PBK: variants seen among roughly 807,000 people sequenced by gnomAD.
The protein encoded by PBK is PDZ binding kinase.
In PBK, 22 loss-of-function variants were observed where a neutral mutation model predicts 33.5. The ratio of observed to expected loss-of-function variants is 0.66; its 90% CI spans 0.47 to 0.94. The LOEUF is 0.94. PBK is among the 40% of genes least tolerant of loss of function. The probability of loss-of-function intolerance (pLI) is 0.00; values close to 1 mark genes in which losing one functional copy is unlikely to be tolerated. For missense variants in PBK, 376 were observed against 383.4 expected, an observed-to-expected ratio of 0.98 and a Z score of 0.16; for synonymous variants, 129 against 123.8, an observed-to-expected ratio of 1.04 and a Z score of -0.28.
Position 27,823,150 on chromosome 8 carries a change from A to G in PBK, c.208T>C (p.Cys70Arg), listed in dbSNP as rs367624592. 4.3e-5 allele frequency: 67 copies of G among 1,552,960 alleles called. 1 individual carries two copies. In the East Asian group the frequency reaches 5.6e-4, roughly 13 times the overall value. ...TACACACTTCGATAATGATCATTAC[A>G]TATAGGATTAATCTTTTTTACAGCC... The part of the protein sequence containing the change: ...PWAVKKINPI[C>R]NDHYRSVYQK... Residue 70 changes from cysteine (C) to arginine (R), a missense_variant, in exon 4 of 8, where the codon TGT becomes CGT. Coordinates refer to ENST00000301905, the MANE Select transcript of PBK (RefSeq NM_018492.4).
At position 27,810,173 on chromosome 8, in the gene PBK, T is replaced by G; in HGVS notation, c.*132A>C. 1 of 647,176 alleles carries G rather than the reference T, an allele frequency of 1.5e-6. No individual in the cohort carries two copies. Among genetic ancestry groups the G allele is most frequent in the Non-Finnish European group, 2.7e-6 (1 of 365,974 alleles). The allele number at this position is 647,176 out of a possible 1,614,324, so 40.1% of individuals were successfully genotyped here. On this transcript the variant is annotated 3_prime_UTR_variant, in exon 8 of 8. Transcript: ENST00000301905. ...GCATATTTCATATTAGAAATAGTTA[T>G]CCATATGTTAACAAGAAACTATGGT...
At chr8:27,810,650 C>T (rs1466263900) in intron 7 of PBK, 149 bp from the exon 8 acceptor site, 9 of 610,166 alleles carry the variant, frequency 1.5e-5, no homozygotes, top group Non-Finnish European at 2.3e-5. Context: ...TTCAATTGTC[C>T]TGCCATCAAG....
chr8:27,815,634 T>C (rs1336951779), intron 6 of PBK, among the ~76,000 whole-genome samples: 1 of 152,204 alleles, frequency 6.6e-6, no homozygotes, highest in African/African-American at 2.4e-5. Flanking sequence ...ACACATACAT[T>C]CTAAGTAGGT....
At position 27,828,355 on chromosome 8, in the gene PBK, C is replaced by G. The variant is rs1806066817; in HGVS notation, c.59-157G>C. The stretch of plus-strand genomic sequence containing the variant: ...CTAATTTTAAATGGGTATCTTTTGA[C>G]CAAGCCTACTTTTGGAGTTTTATCC... On this transcript the variant is annotated intron_variant, in intron 2 of 7. Coordinates refer to ENST00000301905, the MANE Select transcript of PBK (RefSeq NM_018492.4). 2.6e-5 allele frequency among the ~76,000 whole-genome samples: 4 copies of G among 152,114 alleles called. No individual in the cohort carries two copies. The South Asian group carries it at 8.3e-4, about 32-fold the overall frequency.
intron 2 of PBK, among the ~76,000 whole-genome samples, chr8:27,828,881 A>G (rs1226627842): frequency 6.6e-6 from 1 of 152,308 alleles, no homozygotes; most frequent in East Asian, 1.9e-4. Flanking sequence ...TAGACAAAAT[A>G]TAATTGTTTT....
chr8:27,820,798 G>T, intron 5 of PBK, 104 bp from the exon 6 acceptor site: 14 of 594,502 alleles, frequency 2.4e-5, no homozygotes, highest in South Asian at 8.2e-5. Flanking sequence ...CTAAACTCTA[G>T]GTTTACATTT....
At chr8:27,828,910 CA>C (rs1465024438) in intron 2 of PBK, among the ~76,000 whole-genome samples, 4 of 152,116 alleles carry the variant, frequency 2.6e-5, no homozygotes, top group Admixed American at 2.6e-4. Flanking sequence ...TGACAACAGG[CA>C]GAGCAGTGTT....
intron 1 of PBK, among the ~76,000 whole-genome samples, chr8:27,836,833 C>T (rs549416462): frequency 6.6e-6 from 1 of 152,342 alleles, no homozygotes; most frequent in East Asian, 1.9e-4. Flanking sequence ...CCACCTTCTA[C>T]TCTAAGCTAT....
In PBK at chr8:27,822,168, T is replaced by G; in HGVS notation, c.465+151A>C. 4 of 602,622 alleles carry G rather than the reference T, an allele frequency of 6.6e-6. No homozygotes were observed. In the South Asian group the frequency reaches 8.3e-5, roughly 13 times the overall value. 37.3% of individuals were successfully genotyped at this position (602,622 alleles called of 1,614,324 possible). The stretch of plus-strand genomic sequence containing the variant: ...TGAATGTAATTTGGAAGCAGAAATG[T>G]AAGCCTCTATTTTGTTTTCCGCTAA... On this transcript the variant is annotated intron_variant, in intron 5 of 7. Coordinates refer to ENST00000301905, the MANE Select transcript of PBK (RefSeq NM_018492.4).
chr8:27,824,568 A>G (rs776471978), intron 3 of PBK, among the ~76,000 whole-genome samples: 2 of 152,200 alleles, frequency 1.3e-5, no homozygotes, highest in Non-Finnish European at 2.9e-5. Context: ...AGAAAAATCT[A>G]AGAAAACTGA....
chr8:27,818,663 A>T (rs927864718), intron 6 of PBK, among the ~76,000 whole-genome samples: 1 of 144,604 alleles, frequency 6.9e-6, no homozygotes, highest in African/African-American at 2.7e-5. Flanking sequence ...TAGAAATATT[A>T]AATATCTTAT....
At chr8:27,811,178 C>T (rs757783716) in intron 6 of PBK, 44 bp from the exon 7 acceptor site, 18 of 1,596,176 alleles carry the variant, frequency 1.1e-5, no homozygotes, top group African/African-American at 2.7e-5. Flanking sequence ...CTACAAATCA[C>T]GAAAAGGCAA....
intron 3 of PBK, 112 bp from the exon 4 acceptor site, chr8:27,823,317 A>C: frequency 1.5e-6 from 1 of 653,522 alleles, no homozygotes; most frequent in Non-Finnish European, 2.6e-6. Context: ...TTTTAAAAAC[A>C]GAATTTAAAA....
Position 27,810,984 on chromosome 8 carries a change from T to C in PBK, c.746A>G (p.Asn249Ser), listed in dbSNP as rs1231498686. ...EMMTLSIPHI[N>S]LSNDDDDEDK... ...TTCATCATCATCATCATTTGAAAGA[T>C]TAATGTGTGGAATCGATAAAGTCAT... Residue 249 changes from asparagine (N) to serine (S), a missense_variant, in exon 7 of 8, where the codon AAT becomes AGT. Coordinates refer to ENST00000301905, the MANE Select transcript of PBK (RefSeq NM_018492.4). 1.9e-6 allele frequency: 3 copies of C among 1,607,544 alleles called. No homozygotes were observed. Among genetic ancestry groups the C allele is most frequent in the Non-Finnish European group, 1.7e-6 (2 of 1,174,216 alleles).
chr8:27,816,343 C>CTATATATATATATATATATATATATATA (rs767822258), intron 6 of PBK, among the ~76,000 whole-genome samples: 6 of 136,362 alleles, frequency 4.4e-5, no homozygotes, highest in African/African-American at 8.8e-5. Context: ...TCATCGAATA[C>CTATATATATATATATATATATATATATA]TATATATATA....
intron 6 of PBK, among the ~76,000 whole-genome samples, chr8:27,813,514 A>G (rs1239395267): frequency 1.3e-5 from 2 of 152,174 alleles, no homozygotes; most frequent in Non-Finnish European, 2.9e-5. Context: ...GGTATAATTA[A>G]CAAATTATAT....
intron 5 of PBK, 135 bp from the exon 6 acceptor site, chr8:27,820,829 T>A (rs1805912310): frequency 2.0e-6 from 1 of 505,124 alleles, no homozygotes; most frequent in South Asian, 3.2e-5. Flanking sequence ...TCAAAATTTT[T>A]TTTTTTTTTT....
At chr8:27,833,436 G>C (rs1256155119) in intron 1 of PBK, among the ~76,000 whole-genome samples, 1 of 151,916 alleles carries the variant, frequency 6.6e-6, no homozygotes, top group African/African-American at 2.4e-5. Context: ...TTGAACCTGG[G>C]AGGCAGAGGT....
At position 27,810,257 on chromosome 8, in the gene PBK, TG is replaced by T; in HGVS notation, c.*47del. On this transcript the variant is annotated 3_prime_UTR_variant, in exon 8 of 8. Coordinates refer to ENST00000301905, the MANE Select transcript of PBK (RefSeq NM_018492.4). ...ACTGATAGTAACTATGTAAATATTT[TG>T]GAATAAACAGTTATTTACGCAAGCC... 1 of 1,245,824 alleles carries T rather than the reference TG, an allele frequency of 8.0e-7. No homozygotes were observed. The highest frequency in any genetic ancestry group is 1.9e-5 in the Admixed American group (1 of 53,334). The allele number at this position is 1,245,824 out of a possible 1,614,324, so 77.2% of individuals were successfully genotyped here.
Sources: allele counts gnomAD v4.1 joint callset (sites outside exome capture counted in the v4.1 genomes callset), GRCh38; gene constraint gnomAD v4.1.1; transcripts MANE v1.5; gene names NCBI Gene and HGNC (gene_info 2026-07-23, HGNC 2026-07-21).